Variants in OSBP2 observed in about 807,000 individuals in gnomAD.
OSBP2 encodes the protein oxysterol-binding protein 2.
OSBP2 carries 66 observed loss-of-function variants against 96.0 expected under a neutral mutation model. The observed-to-expected ratio is 0.69, with a 90% confidence interval of 0.56 to 0.84. OSBP2 has a LOEUF of 0.84. Ranked by LOEUF, OSBP2 falls within the 40% of genes least tolerant of loss-of-function variation. The pLI, the probability that OSBP2 is intolerant of heterozygous loss-of-function variation, is 0.00. For missense variants in OSBP2, 1,038 were observed against 1,222.7 expected (o/e 0.85, Z 2.25); for synonymous variants, 525 against 520.9 (o/e 1.01, Z -0.11).
At chr22:30,710,454 C>T (rs1366417324) in intron 1 of OSBP2, among the ~76,000 whole-genome samples, 3 of 152,190 alleles carry the variant, frequency 2.0e-5, no homozygotes, top group Non-Finnish European at 4.4e-5. Context: ...TAAAGATGCT[C>T]ATGTTGTCCG....
chr22:30,816,677 A>G (rs2146968776), intron 2 of OSBP2, among the ~76,000 whole-genome samples: 1 of 152,190 alleles, frequency 6.6e-6, no homozygotes, highest in Middle Eastern at 3.4e-3. Flanking sequence ...AGGCCTAGGC[A>G]CCACCCCTAG....
intron 1 of OSBP2, among the ~76,000 whole-genome samples, chr22:30,700,253 C>T (rs1049556939): frequency 3.3e-5 from 5 of 151,968 alleles, no homozygotes; most frequent in East Asian, 1.9e-4. Flanking sequence ...CTTGAGCCAC[C>T]GAGCCTGGCC....
chr22:30,752,157 G>T (rs1489467506), intron 2 of OSBP2, among the ~76,000 whole-genome samples: 7 of 152,204 alleles, frequency 4.6e-5, no homozygotes, highest in Admixed American at 4.6e-4. Context: ...GTGATTCTCT[G>T]CCTGTGCATC....
chr22:30,808,675 C>A (rs1226181293), intron 2 of OSBP2, among the ~76,000 whole-genome samples: 1 of 152,134 alleles, frequency 6.6e-6, no homozygotes, highest in East Asian at 1.9e-4. Context: ...TGGACTTATG[C>A]CGGGCGTGGT....
intron 2 of OSBP2, among the ~76,000 whole-genome samples, chr22:30,869,547 T>C (rs1376803872): frequency 6.6e-6 from 1 of 152,202 alleles, no homozygotes; most frequent in Non-Finnish European, 1.5e-5. Flanking sequence ...TTTTGTTTTG[T>C]TTTTTGAAAC....
Position 30,702,430 on chromosome 22 carries a change from A to T in OSBP2, c.644+6877A>T, listed in dbSNP as rs190254859. Among the ~76,000 whole-genome samples the T allele has an allele frequency of 7.4e-3, 1,130 of 152,234 alleles. 5 individuals carry two copies. The highest frequency in any genetic ancestry group is 0.012 in the Non-Finnish European group (802 of 68,010). On this transcript the variant is annotated intron_variant, in intron 1 of 13. Coordinates refer to ENST00000332585, the MANE Select transcript of OSBP2 (RefSeq NM_030758.4). Reference sequence around the variant, plus strand: ...GGAGTTTGAGACCAGCCTGACCAACATGGCGAAATCCTGTCTGTACTAAAA... The same window carrying T: ...GGAGTTTGAGACCAGCCTGACCAACTTGGCGAAATCCTGTCTGTACTAAAA...
intron 2 of OSBP2, among the ~76,000 whole-genome samples, chr22:30,825,802 G>C (rs1041285324): frequency 6.6e-6 from 1 of 152,062 alleles, no homozygotes. Context: ...TCTCGTCTGC[G>C]GCCTCAAAGC....
At chr22:30,852,655 T>C (rs2038997999) in intron 2 of OSBP2, among the ~76,000 whole-genome samples, 1 of 152,144 alleles carries the variant, frequency 6.6e-6, no homozygotes, top group African/African-American at 2.4e-5. Flanking sequence ...CTTTTATCTC[T>C]ATTTTATTCT....
chr22:30,904,640 C>T (rs949445542), intron 12 of OSBP2, among the ~76,000 whole-genome samples: 1 of 151,864 alleles, frequency 6.6e-6, no homozygotes, highest in African/African-American at 2.4e-5. Flanking sequence ...GGACTAACTA[C>T]AACCCAAGTA....
chr22:30,732,057 A>T (rs2089788550), intron 1 of OSBP2, among the ~76,000 whole-genome samples: 1 of 152,174 alleles, frequency 6.6e-6, no homozygotes, highest in Admixed American at 6.5e-5. Context: ...TAATCCCAGC[A>T]CTTTGGGAGG....
intron 2 of OSBP2, among the ~76,000 whole-genome samples, chr22:30,763,402 T>C (rs1017712653): frequency 3.3e-5 from 5 of 152,180 alleles, no homozygotes; most frequent in Non-Finnish European, 7.3e-5. Flanking sequence ...ATCCCAACAC[T>C]TTGGGAGGCT....
chr22:30,694,016 A>G (rs552899736), upstream of OSBP2: 142 of 1,532,680 alleles, frequency 9.3e-5, no homozygotes, highest in East Asian at 2.1e-3. Flanking sequence ...TGTTTTAACC[A>G]TTCTGGGGTC....
chr22:30,903,007 C>T (rs2040250645), intron 12 of OSBP2, among the ~76,000 whole-genome samples: 1 of 152,142 alleles, frequency 6.6e-6, no homozygotes. Flanking sequence ...TTTTTTCTTT[C>T]TACCACTGCT....
At chr22:30,725,527 C>T (rs1211392324) in intron 1 of OSBP2, among the ~76,000 whole-genome samples, 2 of 134,694 alleles carry the variant, frequency 1.5e-5, no homozygotes, top group African/African-American at 5.4e-5. Context: ...CACCAAAAAA[C>T]AAAAACAAAA....
chr22:30,868,370 A>G, intron 2 of OSBP2, among the ~76,000 whole-genome samples: 1 of 152,226 alleles, frequency 6.6e-6, no homozygotes, highest in East Asian at 1.9e-4. Flanking sequence ...GCCCAGAGCA[A>G]CAGCTTACGG....
intron 2 of OSBP2, among the ~76,000 whole-genome samples, chr22:30,798,120 C>T (rs2090791180): frequency 6.6e-6 from 1 of 152,174 alleles, no homozygotes; most frequent in African/African-American, 2.4e-5. Flanking sequence ...TAGATGGTAG[C>T]CGTCCTAGTG....
intron 2 of OSBP2, among the ~76,000 whole-genome samples, chr22:30,858,308 G>A (rs567188314): frequency 3.9e-4 from 59 of 150,776 alleles, no homozygotes; most frequent in African/African-American, 7.1e-4. Flanking sequence ...CACCGCGCCC[G>A]GCTAATTTTT....
chr22:30,845,160 G>A (rs540623071), intron 2 of OSBP2, among the ~76,000 whole-genome samples: 1 of 152,356 alleles, frequency 6.6e-6, no homozygotes, highest in South Asian at 2.1e-4. Flanking sequence ...GCCGGGTGCA[G>A]TGACTCACAC....
chr22:30,807,605 C>T (rs1482794122), intron 2 of OSBP2, among the ~76,000 whole-genome samples: 1 of 152,186 alleles, frequency 6.6e-6, no homozygotes, highest in African/African-American at 2.4e-5. Context: ...AGCAGCTGGG[C>T]CTGCTCTTCT....
Sources: gnomAD v4.1 joint callset for allele counts (sites outside exome capture counted in the v4.1 genomes callset) on GRCh38, gnomAD v4.1.1 for gene constraint, MANE v1.5 for transcripts, NCBI Gene and HGNC (gene_info 2026-07-23, HGNC 2026-07-21) for gene names.